Variants in PCCA observed in about 807,000 individuals in gnomAD.
The protein encoded by PCCA is propionyl-CoA carboxylase alpha chain, mitochondrial.
In PCCA, 74 loss-of-function variants were observed where a neutral mutation model predicts 101.3. That is an observed-to-expected ratio of 0.73 (90% confidence interval 0.61 to 0.89). The LOEUF is 0.89. Among genes scored for constraint, PCCA ranks in the 40% least tolerant of loss-of-function variants. The pLI is 0.00. For missense variants in PCCA, 891 were observed against 907.0 expected, an observed-to-expected ratio of 0.98 and a Z score of 0.23; for synonymous variants, 294 against 313.6, an observed-to-expected ratio of 0.94 and a Z score of 0.66.
intron 8 of PCCA, among the ~76,000 whole-genome samples, chr13:100,248,228 C>T (rs1450974763): frequency 6.6e-6 from 1 of 151,950 alleles, no homozygotes; most frequent in Non-Finnish European, 1.5e-5. Context: ...TTTATATAAT[C>T]TACTTTTTGG....
chr13:100,331,184 A>C lies in PCCA; in HGVS notation c.1540+513A>C, dbSNP rs576537370. Among the ~76,000 whole-genome samples, 13 of 152,310 alleles carry C rather than the reference A, an allele frequency of 8.5e-5. No homozygotes were observed. The South Asian group carries it at 2.7e-3, about 32-fold the overall frequency. On this transcript the variant is annotated intron_variant, in intron 17 of 23. Coordinates refer to ENST00000376285, the MANE Select transcript of PCCA (RefSeq NM_000282.4). ...TGGAATGTGAAATTTAACACAGCAAAGTTATCAGCAAGCATTTCCAGGTAG... is the reference window on the plus strand; with the variant it reads ...TGGAATGTGAAATTTAACACAGCAACGTTATCAGCAAGCATTTCCAGGTAG...
At chr13:100,332,631 G>A (rs1239066489) in intron 17 of PCCA, among the ~76,000 whole-genome samples, 1 of 152,210 alleles carries the variant, frequency 6.6e-6, no homozygotes, top group Non-Finnish European at 1.5e-5. Context: ...TGATTAGTAT[G>A]TGCTGGACGT....
At chr13:100,481,022 T>C (rs945801265) in intron 21 of PCCA, 1 of 152,256 alleles carries the variant, frequency 6.6e-6, no homozygotes, top group Non-Finnish European at 1.5e-5. Flanking sequence ...TAGCCCACAC[T>C]GTGGCTGTAA....
At chr13:100,105,219 A>G (rs755976746) in intron 2 of PCCA, among the ~76,000 whole-genome samples, 8 of 152,304 alleles carry the variant, frequency 5.3e-5, no homozygotes, top group African/African-American at 1.7e-4. Flanking sequence ...GAAGAGCCCA[A>G]TAACCTCATG....
At chr13:100,122,066 G>T (rs552417364) in intron 4 of PCCA, among the ~76,000 whole-genome samples, 1 of 152,280 alleles carries the variant, frequency 6.6e-6, no homozygotes, top group East Asian at 1.9e-4. Context: ...TCAAGAACAG[G>T]TGTTGCATTT....
At chr13:100,331,847 C>T (rs1595390665) in intron 17 of PCCA, among the ~76,000 whole-genome samples, 2 of 129,372 alleles carry the variant, frequency 1.5e-5, no homozygotes, top group African/African-American at 5.8e-5. Flanking sequence ...ATCCCTAGCA[C>T]AAAACATAGT....
intron 6 of PCCA, among the ~76,000 whole-genome samples, chr13:100,186,996 A>G (rs1335749724): frequency 6.6e-6 from 1 of 152,220 alleles, no homozygotes; most frequent in Non-Finnish European, 1.5e-5. Flanking sequence ...AACATGTAGT[A>G]GCTTATGTAA....
intron 4 of PCCA, among the ~76,000 whole-genome samples, chr13:100,120,868 G>A (rs1183462178): frequency 6.6e-6 from 1 of 152,098 alleles, no homozygotes; most frequent in Non-Finnish European, 1.5e-5. Context: ...GATTGATATT[G>A]CATTGTGTCT....
At chr13:100,441,989 C>CTTTTTTTT (rs776208311) in intron 20 of PCCA, among the ~76,000 whole-genome samples, 257 of 128,444 alleles carry the variant, frequency 2.0e-3, no homozygotes, top group Non-Finnish European at 2.7e-3. Flanking sequence ...TTCCTTTTTT[C>CTTTTTTTT]TTTTTTTTTT....
rs138305424 is a variant in PCCA, at chr13:100,157,591, A to G, written c.468+251A>G. On this transcript the variant is annotated intron_variant, in intron 6 of 23. Coordinates refer to ENST00000376285, the MANE Select transcript of PCCA (RefSeq NM_000282.4). ...TGATACCTGGTTTATTATATACTGC[A>G]TGATATTTGAATTAAAGTTAAAAAC... Among the ~76,000 whole-genome samples, 7 of 152,234 alleles carry G rather than the reference A, an allele frequency of 4.6e-5. 1 individual carries two copies. The highest frequency in any genetic ancestry group is 1.7e-4 in the African/African-American group (7 of 41,464).
chr13:100,098,116 A>G (rs1346188119), intron 1 of PCCA, among the ~76,000 whole-genome samples: 1 of 152,064 alleles, frequency 6.6e-6, no homozygotes, highest in Non-Finnish European at 1.5e-5. Flanking sequence ...ATTTAAGCCT[A>G]GGAGTTAGAG....
chr13:100,276,918 T>C (rs1451310002), intron 12 of PCCA, among the ~76,000 whole-genome samples: 1 of 152,208 alleles, frequency 6.6e-6, no homozygotes, highest in Non-Finnish European at 1.5e-5. Flanking sequence ...TGTTTCTTGG[T>C]TCTGCTGTTG....
At chr13:100,090,519 C>T (rs1291542163) in intron 1 of PCCA, among the ~76,000 whole-genome samples, 1 of 152,076 alleles carries the variant, frequency 6.6e-6, no homozygotes, top group African/African-American at 2.4e-5. Context: ...CAGCTTCGTC[C>T]TTGTAGCTAT....
At chr13:100,314,413 C>T (rs1206423348) in intron 16 of PCCA, among the ~76,000 whole-genome samples, 1 of 152,106 alleles carries the variant, frequency 6.6e-6, no homozygotes, top group East Asian at 1.9e-4. Context: ...ATGATTGATC[C>T]TATCAATCTG....
chr13:100,293,205 T>C (rs1270684746), intron 12 of PCCA: 3 of 471,230 alleles, frequency 6.4e-6, no homozygotes, highest in Non-Finnish European at 1.3e-5. Flanking sequence ...CAGTTGCTTA[T>C]GTTGATTGGT....
Position 100,527,709 on chromosome 13 carries a change from C to A in PCCA, c.2075C>A (p.Ala692Asp). The A allele has an allele frequency of 6.2e-7, 1 of 1,613,868 alleles. No homozygotes were observed. Among genetic ancestry groups the A allele is most frequent in the Non-Finnish European group, 8.5e-7 (1 of 1,179,796 alleles). ...AEGQEICVIE[A>D]MKMQNSMTAG... ...GGTCAAGAAATTTGTGTGATTGAAG[C>A]CATGAAAATGCAGAATAGTATGACA... is the stretch of plus-strand genomic sequence containing the variant. Residue 692 changes from alanine (A) to aspartate (D), a missense_variant, in exon 23 of 24, where the codon GCC becomes GAC. By Grantham distance (126) the Ala-to-Asp change is moderately radical (BLOSUM62 -2). Coordinates refer to ENST00000376285, the MANE Select transcript of PCCA (RefSeq NM_000282.4).
At chr13:100,523,053 T>A (rs1387708738) in intron 22 of PCCA, among the ~76,000 whole-genome samples, 1 of 152,134 alleles carries the variant, frequency 6.6e-6, no homozygotes, top group Non-Finnish European at 1.5e-5. Flanking sequence ...TCCTGCACTT[T>A]CTTTGAGCGT....
At chr13:100,202,486 GTTT>G in intron 6 of PCCA, among the ~76,000 whole-genome samples, 1 of 130,346 alleles carries the variant, frequency 7.7e-6, no homozygotes, top group East Asian at 2.3e-4. Context: ...ACCTATTCCT[GTTT>G]TTTTTTTTTT....
At chr13:100,161,632 A>G (rs774457165) in intron 6 of PCCA, 2 of 151,482 alleles carry the variant, frequency 1.3e-5, no homozygotes, top group African/African-American at 4.9e-5. Flanking sequence ...AATGATCCAT[A>G]TGATACTCTA....
Sources: allele counts gnomAD v4.1 joint callset (sites outside exome capture counted in the v4.1 genomes callset), GRCh38; gene constraint gnomAD v4.1.1; transcripts MANE v1.5; gene names NCBI Gene and HGNC (gene_info 2026-07-23, HGNC 2026-07-21).